ZFHX3: variants seen among roughly 807,000 people sequenced by gnomAD.
ZFHX3 encodes the protein zinc finger homeobox 3.
ZFHX3 carries 42 observed loss-of-function variants against 279.1 expected under a neutral mutation model. That is an observed-to-expected ratio of 0.15 (90% CI 0.12 to 0.19). The LOEUF is 0.19. Ranked by LOEUF, ZFHX3 falls within the 10% of genes least tolerant of loss-of-function variation. The pLI is 1.00. For missense variants in ZFHX3, 4,981 were observed against 4,754.0 expected (o/e 1.05, Z -1.40); for synonymous variants, 2,293 against 1,957.8 (o/e 1.17, Z -4.52).
chr16:73,417,207 GGAGGACTGA>G (rs1323623904), intron 3 of ZFHX3, among the ~76,000 whole-genome samples: 1 of 151,856 alleles, frequency 6.6e-6, no homozygotes, highest in Non-Finnish European at 1.5e-5. Context: ...GAAAAACAAG[GGAGGACTGA>G]GAGGCTGTCA....
intron 3 of ZFHX3, among the ~76,000 whole-genome samples, chr16:73,402,693 C>G (rs1333721131): frequency 6.6e-6 from 1 of 152,078 alleles, no homozygotes; most frequent in Non-Finnish European, 1.5e-5. Context: ...TTTGTCAATC[C>G]AATGTTTTAA....
At chr16:73,336,987 T>C (rs1198169340) in intron 3 of ZFHX3, among the ~76,000 whole-genome samples, 1 of 152,178 alleles carries the variant, frequency 6.6e-6, no homozygotes, top group African/African-American at 2.4e-5. Context: ...CAAGGTTCCC[T>C]GGACTCCTGG....
intron 2 of ZFHX3, among the ~76,000 whole-genome samples, chr16:73,469,849 C>T (rs1052517550): frequency 7.9e-5 from 12 of 152,096 alleles, no homozygotes; most frequent in African/African-American, 2.7e-4. Flanking sequence ...AACTCCTGAC[C>T]TCGTGATGCA....
At chr16:72,966,418 A>C (rs1406843941) in intron 1 of ZFHX3, among the ~76,000 whole-genome samples, 1 of 152,218 alleles carries the variant, frequency 6.6e-6, no homozygotes, top group African/African-American at 2.4e-5. Context: ...AAACAACAAT[A>C]ACAAAATATC....
intron 2 of ZFHX3, among the ~76,000 whole-genome samples, chr16:73,664,873 C>T (rs570802068): frequency 6.6e-6 from 1 of 152,222 alleles, no homozygotes; most frequent in Admixed American, 6.5e-5. Context: ...TATTTTTTTG[C>T]ACACAGCTAA....
intron 3 of ZFHX3, among the ~76,000 whole-genome samples, chr16:73,380,448 G>A (rs535996910): frequency 6.6e-6 from 1 of 152,162 alleles, no homozygotes; most frequent in South Asian, 2.1e-4. Flanking sequence ...TGAAGTCACT[G>A]TCATCAATAT....
rs1308660492 is a variant in ZFHX3, at chr16:72,788,517, G to A, written c.9759C>T (p.Pro3253=). 4 of 1,614,194 alleles carry A rather than the reference G, an allele frequency of 2.5e-6. No individual in the cohort carries two copies. The highest frequency in any genetic ancestry group is 3.4e-6 in the Non-Finnish European group (4 of 1,180,042). The change falls in exon 10 of 10, where the codon CCC becomes CCT. Residue 3253 remains proline, a synonymous_variant. Coordinates refer to ENST00000268489, the MANE Select transcript of ZFHX3 (RefSeq NM_006885.4). ...KEKAHKGKGE[P]LPVPKKEKGE... Reference sequence around the variant, plus strand: ...CTTTCTCCTTCTTGGGGACAGGCAGGGGTTCCCCTTTCCCTTTGTGTGCCT... The same window carrying A: ...CTTTCTCCTTCTTGGGGACAGGCAGAGGTTCCCCTTTCCCTTTGTGTGCCT...
intron 5 of ZFHX3, among the ~76,000 whole-genome samples, chr16:73,223,261 A>G (rs2144922576): frequency 6.6e-6 from 1 of 152,320 alleles, no homozygotes; most frequent in East Asian, 1.9e-4. Context: ...TGCCAAAGAC[A>G]TAGTCAAGAG....
At position 73,110,646 on chromosome 16, in the gene ZFHX3, C is replaced by T. The variant is rs904652871; in HGVS notation, c.-896-17048G>A. Among the ~76,000 whole-genome samples, 11 of 152,244 alleles carry T rather than the reference C, an allele frequency of 7.2e-5. No individual in the cohort carries two copies. The South Asian group carries it at 1.7e-3, about 23-fold the overall frequency. On this transcript the variant is annotated intron_variant, in intron 7 of 17. Transcript: ENST00000641206. ...TACAGTGGCTCGATCATAGCTCAGC[C>T]TCAACCTCCTGGGTCCAAATGATCC...
At chr16:73,537,317 T>C (rs28424043) in intron 2 of ZFHX3, among the ~76,000 whole-genome samples, 7,678 of 53,412 alleles carry the variant, frequency 0.14, 396 homozygotes, top group African/African-American at 0.37. Context: ...TCTTCTTCTT[T>C]TTTTTTTTTT....
intron 2 of ZFHX3, among the ~76,000 whole-genome samples, chr16:72,956,577 G>A (rs779966577): frequency 6.6e-6 from 1 of 152,150 alleles, no homozygotes; most frequent in Non-Finnish European, 1.5e-5. Context: ...TCTAGATATT[G>A]TAAGCCAATT....
intron 1 of ZFHX3, among the ~76,000 whole-genome samples, chr16:73,755,781 C>G (rs1326947084): frequency 6.6e-6 from 1 of 152,140 alleles, no homozygotes; most frequent in African/African-American, 2.4e-5. Context: ...ATGATGTCGG[C>G]AAGAGATTAA....
At chr16:73,574,973 G>A (rs1346888374) in intron 2 of ZFHX3, among the ~76,000 whole-genome samples, 1 of 152,120 alleles carries the variant, frequency 6.6e-6, no homozygotes, top group African/African-American at 2.4e-5. Flanking sequence ...CCATCTTTAA[G>A]TGTTTAACTT....
At chr16:73,148,300 T>A (rs539976415) in intron 5 of ZFHX3, among the ~76,000 whole-genome samples, 1 of 152,266 alleles carries the variant, frequency 6.6e-6, no homozygotes, top group Admixed American at 6.5e-5. Flanking sequence ...AAAACTAAAA[T>A]CTTATGTGGA....
intron 1 of ZFHX3, among the ~76,000 whole-genome samples, chr16:73,721,803 G>A (rs553752666): frequency 6.6e-6 from 1 of 152,332 alleles, no homozygotes; most frequent in Non-Finnish European, 1.5e-5. Context: ...CCAGCACTTT[G>A]GGAGGCTGAG....
At chr16:72,865,837 C>T (rs1286731080) in intron 4 of ZFHX3, among the ~76,000 whole-genome samples, 4 of 152,116 alleles carry the variant, frequency 2.6e-5, no homozygotes, top group Non-Finnish European at 4.4e-5. Flanking sequence ...GTCATGGTTA[C>T]GCCACTCATG....
chr16:73,175,875 T>G (rs922737384), intron 5 of ZFHX3, among the ~76,000 whole-genome samples: 17 of 152,190 alleles, frequency 1.1e-4, no homozygotes, highest in African/African-American at 4.1e-4. Context: ...TTTTTCCAAC[T>G]TGGGATGACA....
intron 1 of ZFHX3, among the ~76,000 whole-genome samples, chr16:73,743,230 A>G (rs2053674816): frequency 6.6e-6 from 1 of 152,188 alleles, no homozygotes; most frequent in African/African-American, 2.4e-5. Flanking sequence ...AAATACGACC[A>G]ACTGTGTACC....
Position 72,958,966 on chromosome 16 carries a change from G to A in ZFHX3, c.1180C>T (p.Leu394Phe). 1 of 1,599,254 alleles carries A rather than the reference G, an allele frequency of 6.3e-7. No homozygotes were observed. The highest frequency in any genetic ancestry group is 8.5e-7 in the Non-Finnish European group (1 of 1,173,062). The change falls in exon 2 of 10, where the codon CTC becomes TTC. Residue 394 changes from leucine to phenylalanine, a missense_variant. Around this residue, in one of 7 missense-constraint regions of ZFHX3, gnomAD observed 1,068 missense variants for 935.2 expected, o/e 1.14. Coordinates refer to ENST00000268489, the MANE Select transcript of ZFHX3 (RefSeq NM_006885.4). ...TTCAACAGGGTGCTGGGGGTCAAGA[G>A]ACCAGCCTGGGGCTGCTCGGGGCCA... is the stretch of plus-strand genomic sequence containing the variant. Reference protein sequence around the residue: ...AAGPEQPQAGLLTPSTLLNLG... With the variant: ...AAGPEQPQAGFLTPSTLLNLG...
Sources: allele counts gnomAD v4.1 joint callset (sites outside exome capture counted in the v4.1 genomes callset), GRCh38; gene constraint gnomAD v4.1.1; regional missense constraint gnomAD v4.1.1; transcripts MANE v1.5; gene names NCBI Gene and HGNC (gene_info 2026-07-23, HGNC 2026-07-21).